The following KRT8 variants were observed in gnomAD, a reference collection of about 807,000 sequenced individuals.
KRT8 encodes keratin 8, also known as keratin, type II cytoskeletal 8.
KRT8 carries 24 observed loss-of-function variants against 43.0 expected under a neutral mutation model. That is an observed-to-expected ratio of 0.56 (90% CI 0.40 to 0.78). The LOEUF is 0.78. Among genes scored for constraint, KRT8 ranks in the 30% least tolerant of loss-of-function variants. The pLI is 0.00. For missense variants in KRT8, 492 were observed against 638.4 expected (o/e 0.77, Z 2.47); for synonymous variants, 214 against 261.2 (o/e 0.82, Z 1.74).
chr12:52,899,131 A>G (rs182454802), intron 5 of KRT8: 14,270 of 529,856 alleles, frequency 0.027, 313 homozygotes, highest in Admixed American at 0.062. Context: ...TGGCTAACAC[A>G]GTGAAACCCC....
chr12:52,918,450 C>T (rs1941821214), intron 2 of KRT8, among the ~76,000 whole-genome samples: 2 of 152,144 alleles, frequency 1.3e-5, no homozygotes, highest in Admixed American at 1.3e-4. Context: ...CCTACATTCA[C>T]ACAGCTGTGA....
At chr12:52,918,240 A>AGAAGAG (rs1941814341) in intron 2 of KRT8, among the ~76,000 whole-genome samples, 1 of 151,828 alleles carries the variant, frequency 6.6e-6, no homozygotes, top group African/African-American at 2.4e-5. Flanking sequence ...AAGAAGAAGA[A>AGAAGAG]GAAGAAGAAG....
chr12:52,915,169 C>A (rs540297110), intron 2 of KRT8, among the ~76,000 whole-genome samples: 1 of 151,866 alleles, frequency 6.6e-6, no homozygotes, highest in African/African-American at 2.4e-5. Flanking sequence ...GTCAGGAGAT[C>A]GAGACCATCC....
intron 2 of KRT8, chr12:52,949,328 C>T (rs1333552689): frequency 1.2e-6 from 2 of 1,610,682 alleles, no homozygotes; most frequent in South Asian, 1.1e-5. Context: ...TCCCGCTCCA[C>T]CAGCTTCAGG....
chr12:52,910,027 C>A (rs1036718619), upstream of KRT8, among the ~76,000 whole-genome samples: 11 of 152,092 alleles, frequency 7.2e-5, no homozygotes, highest in Non-Finnish European at 1.2e-4. Flanking sequence ...CTGCCTCAGC[C>A]TCCCAAAGTA....
intron 2 of KRT8, among the ~76,000 whole-genome samples, chr12:52,943,045 C>T (rs908531693): frequency 1.3e-5 from 2 of 152,098 alleles, no homozygotes; most frequent in African/African-American, 4.8e-5. Context: ...TTTGGGCTTC[C>T]ATTGTTCCCT....
At chr12:52,911,887 A>G (rs1160511030), upstream of KRT8, among the ~76,000 whole-genome samples, 1 of 152,062 alleles carries the variant, frequency 6.6e-6, no homozygotes, top group Non-Finnish European at 1.5e-5. Flanking sequence ...AAATTAGCCA[A>G]GTATGGTGGC....
At chr12:52,947,631 C>T (rs901203432) in intron 2 of KRT8, 1 of 151,708 alleles carries the variant, frequency 6.6e-6, no homozygotes, top group Non-Finnish European at 1.5e-5. Flanking sequence ...CAGGCACACA[C>T]TGTGCCTGGT....
upstream of KRT8, among the ~76,000 whole-genome samples, chr12:52,911,813 C>T (rs947015394): frequency 6.6e-6 from 1 of 152,062 alleles, no homozygotes; most frequent in African/African-American, 2.4e-5. Flanking sequence ...CACTTGAGGT[C>T]AGGAGTTCCA....
chr12:52,901,683 A>AT, intron 2 of KRT8, 181 bp downstream of exon 2: 1 of 628,584 alleles, frequency 1.6e-6, no homozygotes, highest in Non-Finnish European at 2.9e-6. Context: ...ACTATCAACA[A>AT]TTGTGCTAGG....
intron 2 of KRT8, chr12:52,901,520 G>T: frequency 3.6e-6 from 2 of 550,194 alleles, no homozygotes; most frequent in Non-Finnish European, 3.3e-6. Flanking sequence ...GTTTGCTAGA[G>T]GTCAAGGGTC....
At chr12:52,918,108 A>G (rs1486867594) in intron 2 of KRT8, among the ~76,000 whole-genome samples, 2 of 146,588 alleles carry the variant, frequency 1.4e-5, no homozygotes, top group African/African-American at 2.5e-5. Context: ...AGGAAGAAGA[A>G]GAAGAAGAAG....
chr12:52,904,741 C>T (rs1202340708), exon 1 of KRT8: 1 of 1,612,754 alleles, frequency 6.2e-7, no homozygotes, highest in Non-Finnish European at 8.5e-7. Flanking sequence ...ATGTTGGGGT[C>T]CACCTCCAGG....
chr12:52,917,956 A>T (rs1941777142), intron 2 of KRT8, among the ~76,000 whole-genome samples: 3 of 148,252 alleles, frequency 2.0e-5, no homozygotes, highest in Non-Finnish European at 4.5e-5. Flanking sequence ...GAGGAAGAGG[A>T]AGAAGAAGAA....
At chr12:52,943,725 C>T (rs190993087) in intron 2 of KRT8, among the ~76,000 whole-genome samples, 54 of 152,302 alleles carry the variant, frequency 3.5e-4, no homozygotes, top group African/African-American at 1.3e-3. Context: ...TAGCTGTGAC[C>T]CTGGCATCCA....
upstream of KRT8, among the ~76,000 whole-genome samples, chr12:52,908,713 T>C (rs1941572529): frequency 6.6e-6 from 1 of 152,092 alleles, no homozygotes; most frequent in Non-Finnish European, 1.5e-5. Context: ...ATGTTCTAAA[T>C]TTGATGGTGG....
chr12:52,899,024 G>A (rs1941293718), intron 5 of KRT8, 125 bp from the exon 6 acceptor site: 3 of 838,568 alleles, frequency 3.6e-6, no homozygotes, highest in South Asian at 1.4e-5. Flanking sequence ...CAAATTAAAT[G>A]AGACTAAGGG....
intron 2 of KRT8, chr12:52,948,814 C>T (rs1369160236): frequency 7.3e-6 from 3 of 410,178 alleles, no homozygotes; most frequent in Non-Finnish European, 8.5e-6. Context: ...TCAAACTCGC[C>T]AGCACCTCCT....
chr12:52,904,667 G>A (rs1171753977), exon 1 of KRT8: 1 of 1,612,714 alleles, frequency 6.2e-7, no homozygotes, highest in Admixed American at 1.7e-5. Flanking sequence ...CCTTGTCTAT[G>A]AAGGAGGCAA....
Sources: gnomAD v4.1 joint callset for allele counts (sites outside exome capture counted in the v4.1 genomes callset) on GRCh38, gnomAD v4.1.1 for gene constraint, MANE v1.5 for transcripts, NCBI Gene and HGNC (gene_info 2026-07-23, HGNC 2026-07-21) for gene names.